The following PRKACB variants were observed in gnomAD, a reference collection of about 807,000 sequenced individuals.
PRKACB encodes cAMP-dependent protein kinase catalytic subunit beta.
Under a neutral mutation model 51.4 loss-of-function variants are expected in PRKACB, and 16 were observed. The observed-to-expected ratio is 0.31, with a 90% CI of 0.21 to 0.47. PRKACB has a LOEUF of 0.47. Among genes scored for constraint, PRKACB ranks in the 20% least tolerant of loss-of-function variants. The pLI, the probability that PRKACB is intolerant of heterozygous loss-of-function variation, is 1.00. For missense variants in PRKACB, 309 were observed against 464.5 expected (o/e 0.67, Z 3.08); for synonymous variants, 147 against 154.4 (o/e 0.95, Z 0.35).
rs549796872 is a variant in PRKACB at position 84,168,629 on chromosome 1, A to G, written c.188-10548A>G. Among the ~76,000 whole-genome samples the G allele has an allele frequency of 2.0e-5, 3 of 151,736 alleles. No homozygotes were observed. The South Asian group carries it at 6.2e-4, about 31-fold the overall frequency. On this transcript the variant is annotated intron_variant, in intron 1 of 9. Transcript: ENST00000370685. ...ATCATTTCTGAAATTAAAGATGGTT[A>G]TTTGCCCAAATATGTACAGGATTTT...
chr1:84,166,691 A>C (rs942686440), intron 1 of PRKACB, among the ~76,000 whole-genome samples: 3 of 151,740 alleles, frequency 2.0e-5, no homozygotes, highest in African/African-American at 7.2e-5. Context: ...ATTTGTAAAA[A>C]TAAGCAAATG....
At position 84,094,684 on chromosome 1, in the gene PRKACB, CT is replaced by C. The variant is rs374314772; in HGVS notation, c.46+16316del. 1.3e-3 allele frequency among the ~76,000 whole-genome samples: 194 copies of C among 152,002 alleles called. 6 individuals carry two copies. Among genetic ancestry groups the C allele is most frequent in the Middle Eastern group, 0.01 (3 of 294 alleles). On this transcript the variant is annotated intron_variant, in intron 1 of 8. Coordinates refer to the PRKACB transcript ENST00000370688. ...ACTTTTGAAGAGACTGTCTATTCTGCTTTCGTTGCCTACATGTACTCTCTCT... is the reference window on the plus strand; with the variant it reads ...ACTTTTGAAGAGACTGTCTATTCTGCTTCGTTGCCTACATGTACTCTCTCT...
chr1:84,176,023 A>G (rs892365729), intron 1 of PRKACB, among the ~76,000 whole-genome samples: 1 of 151,780 alleles, frequency 6.6e-6, no homozygotes, highest in Non-Finnish European at 1.5e-5. Context: ...AAGAAGAGTT[A>G]CTAATCACTG....
chr1:84,147,165 T>C (rs938319793), intron 1 of PRKACB, among the ~76,000 whole-genome samples: 23 of 152,040 alleles, frequency 1.5e-4, no homozygotes, highest in African/African-American at 5.1e-4. Context: ...ACTTTTTCTT[T>C]CCCTTTTCCT....
intron 7 of PRKACB, among the ~76,000 whole-genome samples, chr1:84,199,801 C>T (rs1366813593): frequency 6.6e-6 from 1 of 151,936 alleles, no homozygotes; most frequent in African/African-American, 2.4e-5. Flanking sequence ...TCTCTGCAAC[C>T]TTGCCAGCAT....
chr1:84,218,374 A>T (rs1039086371), intron 9 of PRKACB, among the ~76,000 whole-genome samples: 3 of 152,148 alleles, frequency 2.0e-5, no homozygotes, highest in African/African-American at 7.2e-5. Flanking sequence ...CTAAGAGATC[A>T]ACTTTTTTAG....
chr1:84,197,667 G>A (rs1480685424), intron 6 of PRKACB, 62 bp from the exon 7 acceptor site: 6 of 1,055,258 alleles, frequency 5.7e-6, no homozygotes, highest in South Asian at 1.6e-5. Flanking sequence ...CAACGTAGGT[G>A]CAATAAATAC....
At chr1:84,194,375 A>G (rs1438910670) in intron 5 of PRKACB, among the ~76,000 whole-genome samples, 1 of 152,194 alleles carries the variant, frequency 6.6e-6, no homozygotes, top group African/African-American at 2.4e-5. Flanking sequence ...ATCTTTCACA[A>G]GTACTACATA....
intron 5 of PRKACB, among the ~76,000 whole-genome samples, chr1:84,194,011 A>T (rs939439085): frequency 1.3e-5 from 2 of 152,124 alleles, no homozygotes; most frequent in African/African-American, 4.8e-5. Flanking sequence ...TTATTGACTT[A>T]CTATGCACAG....
intron 1 of PRKACB, among the ~76,000 whole-genome samples, chr1:84,148,257 C>CA (rs1250439619): frequency 6.6e-6 from 1 of 152,070 alleles, no homozygotes; most frequent in Non-Finnish European, 1.5e-5. Flanking sequence ...GTAACAAAAC[C>CA]ACCAATGTAT....
chr1:84,100,860 A>G (rs1571578851), intron 1 of PRKACB, among the ~76,000 whole-genome samples: 1 of 152,210 alleles, frequency 6.6e-6, no homozygotes, highest in Non-Finnish European at 1.5e-5. Flanking sequence ...TGAGGCATAG[A>G]TTAAGTAACT....
At chr1:84,234,698 T>G (rs1676436242) in intron 9 of PRKACB, among the ~76,000 whole-genome samples, 7 of 152,182 alleles carry the variant, frequency 4.6e-5, no homozygotes, top group Admixed American at 4.6e-4. Context: ...CTGTCACCCC[T>G]TTCTTTGACT....
At chr1:84,226,288 T>C in intron 9 of PRKACB, among the ~76,000 whole-genome samples, 1 of 148,750 alleles carries the variant, frequency 6.7e-6, no homozygotes, top group Non-Finnish European at 1.5e-5. Flanking sequence ...TTTTTTTTGG[T>C]CTCTCTAAAG....
intron 1 of PRKACB, among the ~76,000 whole-genome samples, chr1:84,137,089 C>T (rs997052031): frequency 3.3e-5 from 5 of 152,034 alleles, no homozygotes; most frequent in Non-Finnish European, 7.4e-5. Context: ...GTAAGTTTCC[C>T]GAGGCCTACC....
At chr1:84,086,553 G>A (rs1012596177) in intron 1 of PRKACB, among the ~76,000 whole-genome samples, 1 of 152,190 alleles carries the variant, frequency 6.6e-6, no homozygotes, top group Non-Finnish European at 1.5e-5. Context: ...GGTCCCTTCC[G>A]ATCTGAAGCC....
rs550189427 is a variant in PRKACB, at chr1:84,209,842, A to G, written c.907-4311A>G. Among the ~76,000 whole-genome samples the G allele has an allele frequency of 2.6e-5, 4 of 152,358 alleles. No individual in the cohort carries two copies. In the South Asian group the frequency reaches 8.3e-4, roughly 32 times the overall value. ...ATTCCTGAGATATATTAGTAAGCAC[A>G]TAGTACTTGCTTAATTCAAGCATAA... On this transcript the variant is annotated intron_variant, in intron 8 of 9. Transcript: ENST00000370685.
At chr1:84,089,949 T>G (rs977656418) in intron 1 of PRKACB, among the ~76,000 whole-genome samples, 70 of 152,204 alleles carry the variant, frequency 4.6e-4, no homozygotes, top group African/African-American at 1.6e-3. Flanking sequence ...TTTGCACATC[T>G]GCCTCTTTAT....
At chr1:84,103,238 A>G (rs1185611173) in intron 1 of PRKACB, among the ~76,000 whole-genome samples, 1 of 152,158 alleles carries the variant, frequency 6.6e-6, no homozygotes, top group African/African-American at 2.4e-5. Context: ...CATTCCACTG[A>G]ATCTGGGCTG....
chr1:84,136,490 CCACACA>C (rs60681226), intron 1 of PRKACB, among the ~76,000 whole-genome samples: 4 of 146,740 alleles, frequency 2.7e-5, no homozygotes, highest in African/African-American at 7.5e-5. Flanking sequence ...ACGGCCAAAA[CCACACA>C]CACACACACA....
Sources: gnomAD v4.1 joint callset for allele counts (sites outside exome capture counted in the v4.1 genomes callset) on GRCh38, gnomAD v4.1.1 for gene constraint, MANE v1.5 for transcripts, NCBI Gene and HGNC (gene_info 2026-07-23, HGNC 2026-07-21) for gene names.